Variants in DEUP1 observed in about 807,000 individuals in gnomAD.
DEUP1 encodes deuterosome assembly protein 1.
In DEUP1, 82 loss-of-function variants were observed where a neutral mutation model predicts 87.4. The observed-to-expected ratio is 0.94, with a 90% CI of 0.78 to 1.13. DEUP1 has a LOEUF of 1.13. DEUP1 is among the 50% of genes most tolerant of loss of function. The pLI is 0.00. For synonymous variants in DEUP1, 214 were observed against 222.7 expected, an observed-to-expected ratio of 0.96 and a Z score of 0.35; for missense variants, 663 against 681.5, an observed-to-expected ratio of 0.97 and a Z score of 0.30.
intron 4 of DEUP1, among the ~76,000 whole-genome samples, chr11:93,357,763 TTTAA>T (rs2134221309): frequency 6.6e-6 from 1 of 152,312 alleles, no homozygotes; most frequent in Non-Finnish European, 1.5e-5. Flanking sequence ...CATATGATAA[TTTAA>T]TTAAAGGAGC....
intron 13 of DEUP1, among the ~76,000 whole-genome samples, chr11:93,435,868 C>A (rs1406007365): frequency 6.6e-6 from 1 of 151,878 alleles, no homozygotes; most frequent in Non-Finnish European, 1.5e-5. Flanking sequence ...TGGTGGCGGG[C>A]GCCTGTAGTC....
intron 13 of DEUP1, among the ~76,000 whole-genome samples, chr11:93,427,314 A>G (rs551040387): frequency 6.6e-6 from 1 of 151,988 alleles, no homozygotes. Flanking sequence ...CCTCAGAAAT[A>G]ATGCCGCATA....
intron 10 of DEUP1, among the ~76,000 whole-genome samples, chr11:93,395,217 TTTCC>T (rs1160232304): frequency 6.6e-6 from 1 of 152,196 alleles, no homozygotes; most frequent in African/African-American, 2.4e-5. Context: ...ACATCCTTCC[TTTCC>T]TTCCTGCCTA....
chr11:93,339,998 G>A (rs1054323096), intron 2 of DEUP1, among the ~76,000 whole-genome samples: 13 of 152,242 alleles, frequency 8.5e-5, no homozygotes, highest in Non-Finnish European at 1.2e-4. Flanking sequence ...CCAGAAGCTC[G>A]TAATATAATA....
At chr11:93,394,391 C>A in intron 9 of DEUP1, 68 bp from the exon 10 acceptor site, 2 of 1,191,834 alleles carry the variant, frequency 1.7e-6, no homozygotes, top group Non-Finnish European at 2.3e-6. Flanking sequence ...TGAACATGGC[C>A]AGTAAAATTT....
At chr11:93,397,133 G>T (rs1946969103) in intron 11 of DEUP1, among the ~76,000 whole-genome samples, 1 of 152,102 alleles carries the variant, frequency 6.6e-6, no homozygotes, top group East Asian at 1.9e-4. Flanking sequence ...TACTTAATTA[G>T]GCCTCAGTTT....
chr11:93,436,652 C>A (rs931739689), intron 13 of DEUP1, among the ~76,000 whole-genome samples: 3 of 152,098 alleles, frequency 2.0e-5, no homozygotes, highest in African/African-American at 4.8e-5. Flanking sequence ...GATTGGTGAA[C>A]AAAATCCACC....
At chr11:93,394,033 T>A (rs576973824) in intron 9 of DEUP1, among the ~76,000 whole-genome samples, 1 of 152,332 alleles carries the variant, frequency 6.6e-6, no homozygotes, top group African/African-American at 2.4e-5. Context: ...ATTTTAGTTT[T>A]AAAAAAGCAC....
chr11:93,335,091 C>T (rs982676654), intron 2 of DEUP1, among the ~76,000 whole-genome samples: 23 of 152,164 alleles, frequency 1.5e-4, no homozygotes, highest in Non-Finnish European at 1.5e-5. Context: ...TTGCTGCCTG[C>T]CATAGGGTTA....
At chr11:93,406,910 C>T (rs1393697217) in intron 11 of DEUP1, among the ~76,000 whole-genome samples, 3 of 152,058 alleles carry the variant, frequency 2.0e-5, no homozygotes, top group South Asian at 2.1e-4. Context: ...ATATATTCTA[C>T]TTCACTAATA....
At chr11:93,351,442 G>A (rs1292696789) in intron 2 of DEUP1, among the ~76,000 whole-genome samples, 1 of 152,162 alleles carries the variant, frequency 6.6e-6, no homozygotes, top group African/African-American at 2.4e-5. Flanking sequence ...TAATGAACCA[G>A]ACTGATATAG....
At chr11:93,431,507 C>A (rs1054289401) in intron 13 of DEUP1, among the ~76,000 whole-genome samples, 3 of 152,024 alleles carry the variant, frequency 2.0e-5, no homozygotes, top group East Asian at 1.9e-4. Flanking sequence ...CAATGGGAAG[C>A]CATTTTAAAG....
intron 4 of DEUP1, among the ~76,000 whole-genome samples, chr11:93,363,285 G>A (rs1434181832): frequency 6.6e-6 from 1 of 151,818 alleles, no homozygotes; most frequent in Non-Finnish European, 1.5e-5. Context: ...TGACAGAATA[G>A]TCTATATCTA....
At position 93,394,648 on chromosome 11, in the gene DEUP1, A is replaced by T. The variant is rs1946879078; in HGVS notation, c.1231A>T (p.Lys411Ter). The T allele has an allele frequency of 6.2e-7, 1 of 1,609,616 alleles. No homozygotes were observed. Among genetic ancestry groups the T allele is most frequent in the East Asian group, 2.2e-5 (1 of 44,810 alleles). ...ELEIKEKMLAKQKVSDMKYKA... is the reference protein window; with the variant it reads ...ELEIKEKMLA ...AGAAATAAAAGAAAAAATGTTAGCA[A>T]AACAAAAGGTATGCAAGCAGGCAGA... Residue 411 changes from lysine (K) to a stop codon, truncating the protein, a stop_gained, in exon 10 of 14, where the codon AAA becomes TAA. Transcript: ENST00000298050. LOFTEE classifies it high-confidence loss of function.
At chr11:93,398,107 A>G (rs946574288) in intron 11 of DEUP1, among the ~76,000 whole-genome samples, 1 of 152,082 alleles carries the variant, frequency 6.6e-6, no homozygotes, top group Non-Finnish European at 1.5e-5. Flanking sequence ...ATATATATAC[A>G]TATAGTCATA....
Position 93,394,476 on chromosome 11 carries a change from A to G in DEUP1, c.1059A>G (p.Gln353=), listed in dbSNP as rs376630265. The change falls in exon 10 of 14, where the codon CAA becomes CAG. Residue 353 remains glutamine, a synonymous_variant. Transcript: ENST00000298050. ...TGCTGCAGATAAGAAGCCAACTCCA[A>G]CAGGTGGAAGAGTACCATAACTCTG... ...KELNKIRSQL[Q]QVEEYHNSEQ... The G allele has an allele frequency of 1.9e-4, 304 of 1,574,214 alleles. No homozygotes were observed. The highest frequency in any genetic ancestry group is 2.5e-4 in the Non-Finnish European group (290 of 1,165,170).
At chr11:93,408,760 G>T (rs2134419723) in intron 12 of DEUP1, among the ~76,000 whole-genome samples, 1 of 152,234 alleles carries the variant, frequency 6.6e-6, no homozygotes, top group African/African-American at 2.4e-5. Context: ...TAGGTATATT[G>T]TTCAAACAAA....
At chr11:93,415,210 G>A (rs1487782183) in intron 13 of DEUP1, 96 bp downstream of exon 13, 2 of 700,760 alleles carry the variant, frequency 2.9e-6, no homozygotes, top group Non-Finnish European at 4.8e-6. Flanking sequence ...TAGTTCGTTT[G>A]TTTTTAATCT....
intron 13 of DEUP1, among the ~76,000 whole-genome samples, chr11:93,435,762 C>G (rs565220539): frequency 3.9e-5 from 6 of 152,010 alleles, no homozygotes; most frequent in Non-Finnish European, 8.8e-5. Context: ...TTTGGGAGGC[C>G]GAGGAGGGCA....
Sources: allele counts gnomAD v4.1 joint callset (sites outside exome capture counted in the v4.1 genomes callset), GRCh38; gene constraint gnomAD v4.1.1; transcripts MANE v1.5; gene names NCBI Gene and HGNC (gene_info 2026-07-23, HGNC 2026-07-21).